The following ACAP2 variants were observed in gnomAD, a reference collection of about 807,000 sequenced individuals.
ACAP2 encodes ArfGAP with coiled-coil, ankyrin repeat and PH domains 2.
A neutral mutation model predicts 115.8 loss-of-function variants in ACAP2; 39 were observed. The observed-to-expected ratio is 0.34, with a 90% CI of 0.26 to 0.44. ACAP2 has a LOEUF of 0.44. Ranked by LOEUF, ACAP2 falls within the 20% of genes least tolerant of loss-of-function variation. The probability of loss-of-function intolerance (pLI) is 1.00; values close to 1 mark genes in which losing one functional copy is unlikely to be tolerated. For synonymous variants in ACAP2, 289 were observed against 315.8 expected (o/e 0.92, Z 0.90); for missense variants, 662 against 927.6 (o/e 0.71, Z 3.72).
chr3:195,345,213 T>A lies in ACAP2; in HGVS notation c.344+46A>T, dbSNP rs1577333044. On this transcript the variant is annotated intron_variant, in intron 5 of 22. Coordinates refer to ENST00000326793, the MANE Select transcript of ACAP2 (RefSeq NM_012287.6). Reference sequence around the variant, plus strand: ...CAAAAGATACGAATTCTCAGATTGATCATTAACTAGTTAATTTTCTTTCCT... The same window carrying A: ...CAAAAGATACGAATTCTCAGATTGAACATTAACTAGTTAATTTTCTTTCCT... 4 of 1,253,786 alleles carry A rather than the reference T, an allele frequency of 3.2e-6. No homozygotes were observed. The African/African-American group carries it at 4.4e-5, about 14-fold the overall frequency. 77.7% of individuals were successfully genotyped at this position (1,253,786 alleles called of 1,614,324 possible). A position where few individuals can be genotyped will look rare whatever the true frequency, so the allele number is the denominator to read the frequency against.
intron 1 of ACAP2, among the ~76,000 whole-genome samples, chr3:195,437,417 A>G (rs1225236261): frequency 6.6e-6 from 1 of 152,206 alleles, no homozygotes; most frequent in African/African-American, 2.4e-5. Flanking sequence ...CACCATGTGA[A>G]AGTTCACCAT....
At chr3:195,332,889 C>A (rs1182029814) in intron 8 of ACAP2, 139 bp downstream of exon 8, 2 of 548,078 alleles carry the variant, frequency 3.6e-6, no homozygotes, top group Non-Finnish European at 3.1e-6. Context: ...AAACCTCTTT[C>A]CTTTCTAGAT....
intron 1 of ACAP2, among the ~76,000 whole-genome samples, chr3:195,425,044 A>AC (rs1714574618): frequency 6.7e-6 from 1 of 149,148 alleles, no homozygotes; most frequent in African/African-American, 2.4e-5. Context: ...AAAAAAAAAA[A>AC]AAAAAAAAAA....
At chr3:195,280,222 C>T (rs2108883494) in intron 22 of ACAP2, among the ~76,000 whole-genome samples, 1 of 152,242 alleles carries the variant, frequency 6.6e-6, no homozygotes, top group South Asian at 2.1e-4. Flanking sequence ...CCTGTAACCC[C>T]AGCACTTTGG....
intron 1 of ACAP2, among the ~76,000 whole-genome samples, chr3:195,425,161 A>G (rs1331040093): frequency 6.6e-6 from 1 of 152,000 alleles, no homozygotes; most frequent in African/African-American, 2.4e-5. Flanking sequence ...GAAATTAAAT[A>G]TAACATTTCC....
chr3:195,377,807 T>A (rs1274559242), intron 4 of ACAP2, among the ~76,000 whole-genome samples: 1 of 152,180 alleles, frequency 6.6e-6, no homozygotes, highest in African/African-American at 2.4e-5. Flanking sequence ...TGAGACGCTG[T>A]CAAAAATAAT....
At chr3:195,423,402 C>T (rs1018584093) in intron 1 of ACAP2, among the ~76,000 whole-genome samples, 1 of 152,104 alleles carries the variant, frequency 6.6e-6, no homozygotes, top group African/African-American at 2.4e-5. Flanking sequence ...GCAGGCGGAT[C>T]ATCTAAGGTC....
At chr3:195,311,394 G>A (rs573453964) in intron 10 of ACAP2, among the ~76,000 whole-genome samples, 15 of 152,106 alleles carry the variant, frequency 9.9e-5, no homozygotes, top group African/African-American at 3.4e-4. Context: ...ACCACGCCCG[G>A]CCCTAGTTGT....
intron 4 of ACAP2, among the ~76,000 whole-genome samples, chr3:195,366,499 C>T (rs1262012376): frequency 6.6e-6 from 1 of 152,156 alleles, no homozygotes; most frequent in Non-Finnish European, 1.5e-5. Flanking sequence ...TTACCGCCAT[C>T]ACCTGGGAGC....
intron 4 of ACAP2, among the ~76,000 whole-genome samples, chr3:195,354,849 A>C (rs1731847767): frequency 6.6e-6 from 1 of 152,244 alleles, no homozygotes; most frequent in African/African-American, 2.4e-5. Context: ...ATTAGATGTC[A>C]GTAATCTAGA....
intron 22 of ACAP2, among the ~76,000 whole-genome samples, chr3:195,284,561 A>T (rs539674708): frequency 6.6e-6 from 1 of 152,328 alleles, no homozygotes; most frequent in East Asian, 1.9e-4. Flanking sequence ...TACTTGTTCC[A>T]CATTAAATTA....
At chr3:195,312,461 T>C (rs1728832073) in intron 10 of ACAP2, among the ~76,000 whole-genome samples, 2 of 152,196 alleles carry the variant, frequency 1.3e-5, no homozygotes. Context: ...TTTATTTGTT[T>C]AGACATATAT....
chr3:195,400,125 C>A (rs1249582729), intron 1 of ACAP2, among the ~76,000 whole-genome samples: 1 of 151,662 alleles, frequency 6.6e-6, no homozygotes, highest in East Asian at 1.9e-4. Flanking sequence ...TTGTGGTGAG[C>A]CAAGATCGCA....
At chr3:195,360,712 T>C (rs896314842) in intron 4 of ACAP2, among the ~76,000 whole-genome samples, 3 of 152,034 alleles carry the variant, frequency 2.0e-5, no homozygotes, top group African/African-American at 7.3e-5. Context: ...GAGAATCACT[T>C]GAACCCAGGA....
intron 4 of ACAP2, 22 bp downstream of exon 4, chr3:195,380,987 A>C (rs774850971): frequency 2.5e-6 from 4 of 1,576,880 alleles, no homozygotes; most frequent in Non-Finnish European, 2.6e-6. Flanking sequence ...GGTCATAGTA[A>C]CACCTACTTA....
Position 195,335,395 on chromosome 3 carries a change from A to G in ACAP2, c.573+1537T>C, listed in dbSNP as rs1290476643. Among the ~76,000 whole-genome samples, 4 of 152,328 alleles carry G rather than the reference A, an allele frequency of 2.6e-5. No individual in the cohort carries two copies. The East Asian group carries it at 7.7e-4, about 29-fold the overall frequency. On this transcript the variant is annotated intron_variant, in intron 7 of 22. Transcript: ENST00000326793. Reference sequence around the variant, plus strand: ...CTTTGCAGTGTATTAGTGAAAAAAGAAAGTTATAAAATAGTATGTAGGAAT... The same window carrying G: ...CTTTGCAGTGTATTAGTGAAAAAAGGAAGTTATAAAATAGTATGTAGGAAT...
chr3:195,392,447 G>A (rs9836665), intron 1 of ACAP2, among the ~76,000 whole-genome samples: 36,439 of 152,068 alleles, frequency 0.24, 5,103 homozygotes, highest in East Asian at 0.71. Context: ...AAATAAGTGA[G>A]AAATTTTAAA....
chr3:195,328,855 G>T (rs1420312815), intron 8 of ACAP2, among the ~76,000 whole-genome samples: 2 of 152,180 alleles, frequency 1.3e-5, no homozygotes, highest in East Asian at 3.8e-4. Context: ...CGAGATGGGC[G>T]AATCACAAGG....
chr3:195,337,446 C>CTTT (rs11411412), intron 6 of ACAP2, among the ~76,000 whole-genome samples: 2,223 of 131,494 alleles, frequency 0.017, 95 homozygotes, highest in African/African-American at 0.058. Context: ...AACCAGTCAT[C>CTTT]TTTTTTTTTT....
Sources: allele counts gnomAD v4.1 joint callset (sites outside exome capture counted in the v4.1 genomes callset), GRCh38; gene constraint gnomAD v4.1.1; transcripts MANE v1.5; gene names NCBI Gene and HGNC (gene_info 2026-07-23, HGNC 2026-07-21).